Variants in GRIK4 observed in about 807,000 individuals in gnomAD.
GRIK4 encodes glutamate ionotropic receptor kainate type subunit 4.
In GRIK4, 40 loss-of-function variants were observed where a neutral mutation model predicts 104.9. The ratio of observed to expected loss-of-function variants is 0.38; its 90% CI spans 0.30 to 0.50. The LOEUF is 0.50. Among genes scored for constraint, GRIK4 ranks in the 20% least tolerant of loss-of-function variants. GRIK4 has a pLI of 0.93. For synonymous variants in GRIK4, 485 were observed against 524.9 expected, an observed-to-expected ratio of 0.92 and a Z score of 1.04; for missense variants, 1,047 against 1,308.1, an observed-to-expected ratio of 0.80 and a Z score of 3.08.
chr11:120,832,029 A>G lies in GRIK4; in HGVS notation c.689A>G (p.Lys230Arg). ...NASMSHTILLKAAELGMVSAY... is the reference protein window; with the variant it reads ...NASMSHTILLRAAELGMVSAY... Reference sequence around the variant, plus strand: ...TCCATGTCCCACACCATCCTCCTGAAGGTGGGAGCCTCCCTCTCTCCCCCA... The same window carrying G: ...TCCATGTCCCACACCATCCTCCTGAGGGTGGGAGCCTCCCTCTCTCCCCCA... Residue 230 changes from lysine (K) to arginine (R), a missense_variant and splice_region_variant, in exon 7 of 21, where the codon AAG becomes AGG. Coordinates refer to ENST00000527524, the MANE Select transcript of GRIK4 (RefSeq NM_014619.5). 1 of 1,604,058 alleles carries G rather than the reference A, an allele frequency of 6.2e-7. No individual in the cohort carries two copies. The highest frequency in any genetic ancestry group is 8.5e-7 in the Non-Finnish European group (1 of 1,172,832).
chr11:120,538,431 T>C (rs1194781366), intron 1 of GRIK4, among the ~76,000 whole-genome samples: 1 of 152,176 alleles, frequency 6.6e-6, no homozygotes, highest in Non-Finnish European at 1.5e-5. Context: ...AAAGGCCTCC[T>C]CTCCCAGCAC....
chr11:120,526,256 C>T (rs575148370), intron 1 of GRIK4, among the ~76,000 whole-genome samples: 8 of 152,240 alleles, frequency 5.3e-5, no homozygotes, highest in East Asian at 3.9e-4. Flanking sequence ...GGCTGGAGTG[C>T]GGTGGCATGA....
intron 3 of GRIK4, among the ~76,000 whole-genome samples, chr11:120,732,057 C>T (rs556025738): frequency 1.3e-5 from 2 of 152,128 alleles, no homozygotes; most frequent in East Asian, 3.9e-4. Context: ...TATATGTGCT[C>T]TGATCTTTAT....
intron 1 of GRIK4, among the ~76,000 whole-genome samples, chr11:120,592,799 C>T (rs1948750882): frequency 6.6e-6 from 1 of 152,158 alleles, no homozygotes; most frequent in South Asian, 2.1e-4. Context: ...TGGCCGTCCG[C>T]ATGTCTGCCT....
intron 1 of GRIK4, among the ~76,000 whole-genome samples, chr11:120,556,099 C>A (rs1752632916): frequency 6.6e-6 from 1 of 152,112 alleles, no homozygotes; most frequent in African/African-American, 2.4e-5. Context: ...GTAGGGAGGG[C>A]AGCTTTAGGT....
At chr11:120,808,196 G>C (rs1591939322) in intron 4 of GRIK4, among the ~76,000 whole-genome samples, 1 of 152,180 alleles carries the variant, frequency 6.6e-6, no homozygotes, top group African/African-American at 2.4e-5. Flanking sequence ...TGTAGAGCAA[G>C]TTCTGGAGTT....
intron 1 of GRIK4, among the ~76,000 whole-genome samples, chr11:120,516,976 C>T (rs937774460): frequency 7.8e-6 from 1 of 128,604 alleles, no homozygotes; most frequent in Admixed American, 7.3e-5. Context: ...AGGCCTGGGG[C>T]GCGTGCTGCC....
chr11:120,969,941 A>C (rs1326273372), intron 19 of GRIK4, among the ~76,000 whole-genome samples: 2 of 152,146 alleles, frequency 1.3e-5, no homozygotes, highest in African/African-American at 2.4e-5. Context: ...CAGAGCACTC[A>C]ATGCACTATG....
chr11:120,807,810 G>A (rs889245523), intron 4 of GRIK4, among the ~76,000 whole-genome samples: 2 of 152,172 alleles, frequency 1.3e-5, no homozygotes, highest in African/African-American at 4.8e-5. Context: ...AAATCATCTG[G>A]TCCAACCCCT....
chr11:120,936,886 A>C lies in GRIK4; in HGVS notation c.1477-3461A>C, dbSNP rs536712947. On this transcript the variant is annotated intron_variant, in intron 13 of 20. Coordinates refer to ENST00000527524, the MANE Select transcript of GRIK4 (RefSeq NM_014619.5). ...TGCCCCCCAGGAGGCAGAGGAGCAG[A>C]AGGGCTTGGATGAGTTGTCATTGTA... Among the ~76,000 whole-genome samples, 14 of 150,988 alleles carry C rather than the reference A, an allele frequency of 9.3e-5. No individual in the cohort carries two copies. The South Asian group carries it at 3.0e-3, about 32-fold the overall frequency.
chr11:120,670,920 T>C (rs879010509), intron 3 of GRIK4, among the ~76,000 whole-genome samples: 1 of 152,150 alleles, frequency 6.6e-6, no homozygotes, highest in African/African-American at 2.4e-5. Flanking sequence ...ATGTTCTCAT[T>C]GTTCAACTCC....
chr11:120,891,018 C>A (rs577135222), intron 11 of GRIK4, among the ~76,000 whole-genome samples: 2 of 152,302 alleles, frequency 1.3e-5, no homozygotes, highest in African/African-American at 4.8e-5. Flanking sequence ...GTGAGGAAAT[C>A]CCTCGAGGCT....
intron 5 of GRIK4, among the ~76,000 whole-genome samples, chr11:120,815,805 C>T (rs891540122): frequency 1.3e-5 from 2 of 152,092 alleles, no homozygotes; most frequent in African/African-American, 4.8e-5. Context: ...GCAGGCCAAG[C>T]GGGCAGACGT....
intron 1 of GRIK4, among the ~76,000 whole-genome samples, chr11:120,615,227 C>T (rs1042081615): frequency 2.6e-5 from 4 of 152,030 alleles, no homozygotes; most frequent in African/African-American, 4.8e-5. Flanking sequence ...TGTAGGAGGC[C>T]GATTGAGGCC....
At position 120,549,492 on chromosome 11, in the gene GRIK4, A is replaced by G. The variant is rs1450962539; in HGVS notation, c.-159+37605A>G. Among the ~76,000 whole-genome samples, 2 of 152,192 alleles carry G rather than the reference A, an allele frequency of 1.3e-5. No homozygotes were observed. The highest frequency in any genetic ancestry group is 3.9e-4 in the East Asian group (2 of 5,188). ...CACACACACTAACAAACAAGGAGTG[A>G]GCCCTTCACGGGGGGCTGCAGTGGC... is the stretch of plus-strand genomic sequence containing the variant. On this transcript the variant is annotated intron_variant, in intron 1 of 20. Transcript: ENST00000527524. The surrounding 1 kb of genome is among the most constrained non-coding windows in gnomAD (Gnocchi z 4.7).
chr11:120,798,339 A>G (rs1200721725), intron 3 of GRIK4, among the ~76,000 whole-genome samples: 1 of 151,070 alleles, frequency 6.6e-6, no homozygotes, highest in Non-Finnish European at 1.5e-5. Context: ...TTGTATTTTT[A>G]GTAGAGATGG....
At chr11:120,861,819 A>C in intron 8 of GRIK4, 140 bp from the exon 9 acceptor site, 1 of 686,378 alleles carries the variant, frequency 1.5e-6, no homozygotes, top group Non-Finnish European at 2.6e-6. Context: ...GCTCTCATTA[A>C]CTCTGGACCC....
At chr11:120,706,743 C>T (rs1201830512) in intron 3 of GRIK4, among the ~76,000 whole-genome samples, 3 of 152,180 alleles carry the variant, frequency 2.0e-5, no homozygotes, top group Non-Finnish European at 2.9e-5. Context: ...AGCGTATGAC[C>T]AAGACCAAGC....
At chr11:120,756,238 G>A (rs1430232889) in intron 3 of GRIK4, among the ~76,000 whole-genome samples, 1 of 152,192 alleles carries the variant, frequency 6.6e-6, no homozygotes, top group Non-Finnish European at 1.5e-5. Flanking sequence ...TCAGACATGT[G>A]TGTGCCCACG....
Sources: allele counts gnomAD v4.1 joint callset (sites outside exome capture counted in the v4.1 genomes callset), GRCh38; gene constraint gnomAD v4.1.1; non-coding constraint Gnocchi (gnomAD v3.1); transcripts MANE v1.5; gene names NCBI Gene and HGNC (gene_info 2026-07-23, HGNC 2026-07-21).